Variants in UPP2 observed in about 807,000 individuals in gnomAD.
The protein encoded by UPP2 is uridine phosphorylase 2.
UPP2 carries 23 observed loss-of-function variants against 26.7 expected under a neutral mutation model. The ratio of observed to expected loss-of-function variants is 0.86; its 90% CI spans 0.62 to 1.22. UPP2 has a LOEUF of 1.22. UPP2 is among the 50% of genes most tolerant of loss of function. The probability of loss-of-function intolerance (pLI) is 0.00; values close to 1 mark genes in which losing one functional copy is unlikely to be tolerated. For synonymous variants in UPP2, 127 were observed against 141.3 expected (o/e 0.90, Z 0.72); for missense variants, 387 against 396.7 (o/e 0.98, Z 0.21).
intron 3 of UPP2, among the ~76,000 whole-genome samples, chr2:158,070,800 A>C (rs1682526510): frequency 6.6e-6 from 1 of 152,234 alleles, no homozygotes; most frequent in Admixed American, 6.5e-5. Context: ...TGAATCACTG[A>C]TGCCACCTCT....
chr2:157,998,518 G>A (rs547045357), intron 2 of UPP2, among the ~76,000 whole-genome samples: 2 of 152,118 alleles, frequency 1.3e-5, no homozygotes, highest in Non-Finnish European at 2.9e-5. Context: ...AACATTTATT[G>A]AGGCCAGGCA....
At chr2:157,999,650 G>A (rs529719500) in intron 2 of UPP2, among the ~76,000 whole-genome samples, 1 of 152,302 alleles carries the variant, frequency 6.6e-6, no homozygotes, top group Non-Finnish European at 1.5e-5. Flanking sequence ...ATATATGACA[G>A]TAGTTCCATA....
chr2:158,059,144 C>T (rs2105177490), intron 3 of UPP2, among the ~76,000 whole-genome samples: 1 of 152,282 alleles, frequency 6.6e-6, no homozygotes, highest in South Asian at 2.1e-4. Context: ...GACCCACTTC[C>T]AAAGAACAAC....
intron 3 of UPP2, among the ~76,000 whole-genome samples, chr2:158,058,262 C>T (rs1379961504): frequency 7.0e-6 from 1 of 143,844 alleles, no homozygotes; most frequent in African/African-American, 2.6e-5. Flanking sequence ...CACTGCATGC[C>T]AGCCTGGGCG....
chr2:158,102,071 C>T lies in UPP2; in HGVS notation c.8C>T (p.Ser3Leu), dbSNP rs548582071. Residue 3 changes from serine (S) to leucine (L), a missense_variant, in exon 1 of 7, where the codon TCA becomes TTA. Ser to Leu is a moderately radical substitution (Grantham distance 145). Transcript: ENST00000005756. ...TTTCACATAGTAGAGAGAATGGCTTCAGTTATACCTGCCTCCAATAGGTCC... is the reference window on the plus strand; with the variant it reads ...TTTCACATAGTAGAGAGAATGGCTTTAGTTATACCTGCCTCCAATAGGTCC... MA[S>L]VIPASNRSMR... The T allele has an allele frequency of 2.5e-6, 4 of 1,613,432 alleles. No homozygotes were observed. The East Asian group carries it at 8.9e-5, about 36-fold the overall frequency.
chr2:158,058,287 C>A (rs545145362), intron 3 of UPP2, among the ~76,000 whole-genome samples: 1 of 130,946 alleles, frequency 7.6e-6, no homozygotes, highest in Non-Finnish European at 1.6e-5. Context: ...AGCGAGACTC[C>A]GTCTCAAAAA....
At chr2:158,125,016 C>G (rs1409996838) in intron 6 of UPP2, among the ~76,000 whole-genome samples, 1 of 152,142 alleles carries the variant, frequency 6.6e-6, no homozygotes. Context: ...AGTCTAGGCA[C>G]AGATGACAAG....
At chr2:158,102,226 T>TG in intron 1 of UPP2, 101 bp downstream of exon 1, 4 of 1,266,842 alleles carry the variant, frequency 3.2e-6, no homozygotes, top group South Asian at 1.6e-5. Flanking sequence ...TAAGCAAATT[T>TG]CTTAAATGTA....
chr2:158,045,119 CCT>C (rs1293701887), intron 3 of UPP2, among the ~76,000 whole-genome samples: 1 of 152,068 alleles, frequency 6.6e-6, no homozygotes. Flanking sequence ...CCCCCTTGTC[CCT>C]TGAGAAAATA....
intron 2 of UPP2, among the ~76,000 whole-genome samples, chr2:158,004,598 G>A (rs111640197): frequency 1.3e-5 from 2 of 152,266 alleles, no homozygotes; most frequent in Admixed American, 6.5e-5. Flanking sequence ...AACAAAACAG[G>A]CTCTCCCCTC....
chr2:158,103,907 G>C (rs868273149), intron 1 of UPP2, among the ~76,000 whole-genome samples: 1 of 152,162 alleles, frequency 6.6e-6, no homozygotes, highest in Non-Finnish European at 1.5e-5. Context: ...TTGAGATTTT[G>C]AAGCTTGTTC....
intron 3 of UPP2, among the ~76,000 whole-genome samples, chr2:158,064,569 T>C (rs1215678519): frequency 1.3e-5 from 2 of 152,210 alleles, no homozygotes; most frequent in South Asian, 2.1e-4. Flanking sequence ...TTTCTTTTGC[T>C]GTGCAGAAGC....
chr2:157,998,425 T>C (rs1489221553), intron 2 of UPP2, among the ~76,000 whole-genome samples: 1 of 152,242 alleles, frequency 6.6e-6, no homozygotes, highest in African/African-American at 2.4e-5. Flanking sequence ...CAGAAATGAC[T>C]GTGGGGGATG....
At position 158,008,276 on chromosome 2, in the gene UPP2, G is replaced by A. The variant is rs561354158; in HGVS notation, c.62-7525G>A. On this transcript the variant is annotated intron_variant, in intron 2 of 9. Transcript: ENST00000605860. ...AAATGTAAATTTACTATTTTGAGAA[G>A]GTTATTACTTCTTCAGCTTATTAGA... Among the ~76,000 whole-genome samples, 3 of 152,236 alleles carry A rather than the reference G, an allele frequency of 2.0e-5. No individual in the cohort carries two copies. The South Asian group carries it at 6.2e-4, about 32-fold the overall frequency.
chr2:158,046,201 C>T (rs1189395263), intron 3 of UPP2, among the ~76,000 whole-genome samples: 1 of 152,162 alleles, frequency 6.6e-6, no homozygotes, highest in Non-Finnish European at 1.5e-5. Context: ...TGTTCTAAAT[C>T]AAATAAAGAA....
chr2:158,108,900 G>A (rs1683252716), intron 2 of UPP2, among the ~76,000 whole-genome samples: 1 of 148,694 alleles, frequency 6.7e-6, no homozygotes, highest in South Asian at 2.3e-4. Context: ...GTGTGTGTGT[G>A]TGTGTGTGTG....
intron 3 of UPP2, among the ~76,000 whole-genome samples, chr2:158,082,900 T>C (rs964130427): frequency 2.6e-5 from 4 of 152,278 alleles, no homozygotes; most frequent in South Asian, 2.1e-4. Context: ...GTGAAGGATA[T>C]GAACAGACAT....
chr2:158,044,268 A>C (rs6707197), intron 3 of UPP2, among the ~76,000 whole-genome samples: 59,085 of 152,076 alleles, frequency 0.39, 13,969 homozygotes, highest in African/African-American at 0.68. Flanking sequence ...GTTTTGATGT[A>C]GGCCTGCCTA....
At chr2:158,089,320 C>A (rs564171534) in intron 3 of UPP2, among the ~76,000 whole-genome samples, 1 of 152,202 alleles carries the variant, frequency 6.6e-6, no homozygotes, top group South Asian at 2.1e-4. Context: ...ACTGGGCTCA[C>A]TCCCACCGTG....
Sources: allele counts gnomAD v4.1 joint callset (sites outside exome capture counted in the v4.1 genomes callset), GRCh38; gene constraint gnomAD v4.1.1; transcripts MANE v1.5; gene names NCBI Gene and HGNC (gene_info 2026-07-23, HGNC 2026-07-21).